MACROD2: variants seen among roughly 807,000 people sequenced by gnomAD.
The protein encoded by MACROD2 is mono-ADP ribosylhydrolase 2, also known as ADP-ribose glycohydrolase MACROD2.
In MACROD2, 36 loss-of-function variants were observed where a neutral mutation model predicts 70.4. That is an observed-to-expected ratio of 0.51 (90% confidence interval 0.39 to 0.68). The LOEUF is 0.68. Among genes scored for constraint, MACROD2 ranks in the 30% least tolerant of loss-of-function variants. The probability of loss-of-function intolerance (pLI) is 0.00; values close to 1 mark genes in which losing one functional copy is unlikely to be tolerated. For synonymous variants in MACROD2, 172 were observed against 178.8 expected, an observed-to-expected ratio of 0.96 and a Z score of 0.30; for missense variants, 496 against 538.4, an observed-to-expected ratio of 0.92 and a Z score of 0.78.
intron 5 of MACROD2, among the ~76,000 whole-genome samples, chr20:15,179,872 T>C (rs1263258223): frequency 1.3e-5 from 2 of 152,228 alleles, no homozygotes; most frequent in African/African-American, 4.8e-5. Context: ...AGGGATGCCA[T>C]GACAAAATAC....
intron 3 of MACROD2, among the ~76,000 whole-genome samples, chr20:14,405,178 C>A (rs186063198): frequency 6.6e-6 from 1 of 152,048 alleles, no homozygotes; most frequent in Non-Finnish European, 1.5e-5. Context: ...AATTTATGTA[C>A]TAAGCTAAAA....
intron 6 of MACROD2, among the ~76,000 whole-genome samples, chr20:15,316,670 T>C (rs1260835745): frequency 6.6e-6 from 1 of 152,028 alleles, no homozygotes; most frequent in African/African-American, 2.4e-5. Context: ...CATAGAGAAC[T>C]TGAATAGCAC....
At chr20:14,824,250 G>C (rs192881790) in intron 5 of MACROD2, among the ~76,000 whole-genome samples, 2 of 152,064 alleles carry the variant, frequency 1.3e-5, no homozygotes, top group Middle Eastern at 3.2e-3. Context: ...GCTAGTCATG[G>C]TATTGCATAC....
At chr20:14,367,409 C>G (rs963626956) in intron 3 of MACROD2, among the ~76,000 whole-genome samples, 1 of 152,136 alleles carries the variant, frequency 6.6e-6, no homozygotes, top group Non-Finnish European at 1.5e-5. Flanking sequence ...GCCTAGTATC[C>G]TTTTTGTTAA....
chr20:15,021,760 G>A (rs1259162581), intron 5 of MACROD2: 1 of 152,058 alleles, frequency 6.6e-6, no homozygotes, highest in Non-Finnish European at 1.5e-5. Context: ...ATACTGTAAT[G>A]GTGGATACAT....
chr20:15,724,314 C>G (rs1315814377), intron 8 of MACROD2, among the ~76,000 whole-genome samples: 1 of 152,046 alleles, frequency 6.6e-6, no homozygotes, highest in Non-Finnish European at 1.5e-5. Context: ...ATGGATTATG[C>G]CTTTGGTGTT....
At chr20:15,660,529 A>G (rs545678384) in intron 8 of MACROD2, among the ~76,000 whole-genome samples, 1 of 152,306 alleles carries the variant, frequency 6.6e-6, no homozygotes, top group African/African-American at 2.4e-5. Flanking sequence ...GTCAGTAATC[A>G]TATGCCATAT....
At chr20:14,562,020 A>G (rs894749543) in intron 4 of MACROD2, among the ~76,000 whole-genome samples, 1 of 151,900 alleles carries the variant, frequency 6.6e-6, no homozygotes, top group Non-Finnish European at 1.5e-5. Flanking sequence ...GCAATAATCA[A>G]CAATTTACTG....
chr20:14,002,011 A>T (rs2052738816), intron 1 of MACROD2, among the ~76,000 whole-genome samples: 1 of 152,220 alleles, frequency 6.6e-6, no homozygotes, highest in African/African-American at 2.4e-5. Context: ...CCTGGCCCAT[A>T]GTAAACTGTA....
At chr20:14,611,158 A>G (rs1342275443) in intron 4 of MACROD2, among the ~76,000 whole-genome samples, 1 of 152,104 alleles carries the variant, frequency 6.6e-6, no homozygotes, top group Non-Finnish European at 1.5e-5. Flanking sequence ...TTCAAATATC[A>G]CCCAAGCCAC....
At chr20:15,871,618 C>G (rs1273046085) in intron 9 of MACROD2, among the ~76,000 whole-genome samples, 1 of 152,116 alleles carries the variant, frequency 6.6e-6, no homozygotes, top group African/African-American at 2.4e-5. Flanking sequence ...TGTATGAGGA[C>G]CAGATTGATT....
At chr20:15,733,898 A>G (rs137920828) in intron 8 of MACROD2, among the ~76,000 whole-genome samples, 4 of 152,352 alleles carry the variant, frequency 2.6e-5, no homozygotes, top group African/African-American at 9.6e-5. Context: ...TATGCCAGCC[A>G]TTGAGATCAT....
intron 3 of MACROD2, among the ~76,000 whole-genome samples, chr20:14,416,771 A>C (rs1271833668): frequency 6.6e-6 from 1 of 152,214 alleles, no homozygotes; most frequent in Non-Finnish European, 1.5e-5. Context: ...TAGCAATCCT[A>C]GGCTATCCTG....
intron 7 of MACROD2, among the ~76,000 whole-genome samples, chr20:15,460,011 C>A (rs2046785598): frequency 6.6e-6 from 1 of 152,140 alleles, no homozygotes; most frequent in Non-Finnish European, 1.5e-5. Flanking sequence ...TGATTCTACA[C>A]TTCTAGCTAC....
intron 3 of MACROD2, among the ~76,000 whole-genome samples, chr20:14,166,420 T>G (rs1302025120): frequency 2.6e-5 from 4 of 152,096 alleles, no homozygotes; most frequent in Non-Finnish European, 4.4e-5. Context: ...TCAGTTAGCT[T>G]TCTATTCTTA....
intron 5 of MACROD2, among the ~76,000 whole-genome samples, chr20:14,974,107 G>A (rs1389731682): frequency 2.0e-5 from 3 of 152,198 alleles, no homozygotes; most frequent in Non-Finnish European, 4.4e-5. Context: ...GCAATAGCCA[G>A]TTGGAAAGGG....
chr20:14,718,950 T>A lies in MACROD2; in HGVS notation c.418+33991T>A, dbSNP rs2123679304. ...TTTTATAAGTTAAAAATACATATAG[T>A]CAGCCGGGTGTGGTGGCTCACGTCT... On this transcript the variant is annotated intron_variant, in intron 5 of 17. Transcript: ENST00000684519. 1.3e-5 allele frequency among the ~76,000 whole-genome samples: 2 copies of A among 152,182 alleles called. 1 individual carries two copies.
At chr20:14,681,367 C>T (rs758635132) in intron 4 of MACROD2, among the ~76,000 whole-genome samples, 1 of 152,084 alleles carries the variant, frequency 6.6e-6, no homozygotes, top group Admixed American at 6.6e-5. Context: ...TGTCTATTCA[C>T]AGATGAATGG....
intron 2 of MACROD2, among the ~76,000 whole-genome samples, chr20:14,039,681 AGGTTGTAAATT>A (rs1215133364): frequency 6.6e-6 from 1 of 152,176 alleles, no homozygotes; most frequent in Non-Finnish European, 1.5e-5. Context: ...AAACATTAAA[AGGTTGTAAATT>A]GGGGAACCTG....
Sources: allele counts gnomAD v4.1 joint callset (sites outside exome capture counted in the v4.1 genomes callset), GRCh38; gene constraint gnomAD v4.1.1; transcripts MANE v1.5; gene names NCBI Gene and HGNC (gene_info 2026-07-23, HGNC 2026-07-21).